Variants in PRDM16 observed in about 807,000 individuals in gnomAD.
PRDM16 encodes PR/SET domain 16.
PRDM16 carries 23 observed loss-of-function variants against 110.6 expected under a neutral mutation model. The observed-to-expected ratio is 0.21, with a 90% confidence interval of 0.15 to 0.29. The LOEUF is 0.29. Among genes scored for constraint, PRDM16 ranks in the 10% least tolerant of loss-of-function variants. The pLI, the probability that PRDM16 is intolerant of heterozygous loss-of-function variation, is 1.00. For synonymous variants in PRDM16, 799 were observed against 781.8 expected, an observed-to-expected ratio of 1.02 and a Z score of -0.37; for missense variants, 1,615 against 1,794.3, an observed-to-expected ratio of 0.90 and a Z score of 1.81.
At chr1:3,343,936 C>A (rs530161868) in intron 3 of PRDM16, among the ~76,000 whole-genome samples, 14 of 152,332 alleles carry the variant, frequency 9.2e-5, no homozygotes, top group African/African-American at 3.1e-4. Context: ...CCACCGCTCC[C>A]AGCCTGGTTT....
At chr1:3,159,167 G>C (rs1225321168) in intron 1 of PRDM16, among the ~76,000 whole-genome samples, 1 of 152,238 alleles carries the variant, frequency 6.6e-6, no homozygotes, top group African/African-American at 2.4e-5. Flanking sequence ...GAAGCAGACA[G>C]GGAGGCTGGA....
intron 1 of PRDM16, among the ~76,000 whole-genome samples, chr1:3,161,088 C>A (rs1643893166): frequency 6.6e-6 from 1 of 152,212 alleles, no homozygotes; most frequent in African/African-American, 2.4e-5. Context: ...GCCCCCACTC[C>A]CTGCCCCAGC....
chr1:3,335,049 G>A (rs1342851654), intron 3 of PRDM16, among the ~76,000 whole-genome samples: 1 of 152,222 alleles, frequency 6.6e-6, no homozygotes, highest in Non-Finnish European at 1.5e-5. Context: ...CAGCCAGAGA[G>A]GACGGGGTGG....
intron 12 of PRDM16, among the ~76,000 whole-genome samples, chr1:3,423,047 G>C (rs543297007): frequency 6.6e-6 from 1 of 152,354 alleles, no homozygotes; most frequent in African/African-American, 2.4e-5. Flanking sequence ...AGAGGCCAGA[G>C]TGAGCCTGGC....
intron 3 of PRDM16, among the ~76,000 whole-genome samples, chr1:3,351,030 G>A (rs912252951): frequency 6.6e-6 from 1 of 152,240 alleles, no homozygotes; most frequent in Non-Finnish European, 1.5e-5. Context: ...GCTGGTTGGC[G>A]GCCCTCTGGG....
At chr1:3,352,590 C>T (rs1433886932) in intron 3 of PRDM16, among the ~76,000 whole-genome samples, 1 of 152,238 alleles carries the variant, frequency 6.6e-6, no homozygotes, top group Non-Finnish European at 1.5e-5. Flanking sequence ...AATAGGCCTG[C>T]GGGCCTGACC....
chr1:3,247,820 G>A (rs1176358269), intron 3 of PRDM16, among the ~76,000 whole-genome samples: 2 of 152,252 alleles, frequency 1.3e-5, no homozygotes, highest in African/African-American at 4.8e-5. Context: ...GCTGTGGGTC[G>A]GGCTGCGTCG....
chr1:3,108,240 T>G (rs1257661869), intron 1 of PRDM16, among the ~76,000 whole-genome samples: 1 of 152,210 alleles, frequency 6.6e-6, no homozygotes, highest in East Asian at 1.9e-4. Flanking sequence ...CTATTCCCAA[T>G]CCAAATTATC....
intron 4 of PRDM16, among the ~76,000 whole-genome samples, chr1:3,389,000 C>T (rs971990488): frequency 4.6e-5 from 7 of 152,202 alleles, no homozygotes; most frequent in African/African-American, 1.2e-4. Flanking sequence ...CCCACAGGCC[C>T]GGTTCTGACT....
rs1282690859 is a variant in PRDM16, at chr1:3,425,420, G to T, written c.2940-161G>T. 8.4e-5 allele frequency: 58 copies of T among 688,792 alleles called. No individual in the cohort carries two copies. In the East Asian group the frequency reaches 1.6e-3, roughly 19 times the overall value. The allele number at this position is 688,792 out of a possible 1,614,324, so 42.7% of individuals were successfully genotyped here. A position where few individuals can be genotyped will look rare whatever the true frequency, so the allele number is the denominator to read the frequency against. ...GGACAGCTTCCCCAGGATGCCTTTG[G>T]CTCTGCAGCTGGGAGATCCAGCAAC... On this transcript the variant is annotated intron_variant, in intron 12 of 16. Transcript: ENST00000270722. This position sits in a 1 kb window ranked among gnomAD's most constrained non-coding sequence, Gnocchi z 6.9.
intron 3 of PRDM16, among the ~76,000 whole-genome samples, chr1:3,331,300 C>A (rs753187579): frequency 6.6e-6 from 1 of 152,058 alleles, no homozygotes; most frequent in African/African-American, 2.4e-5. Context: ...GGCAGCCCCC[C>A]CCCGGCACAC....
chr1:3,081,097 A>G lies in PRDM16; in HGVS notation c.37+11801A>G. On this transcript the variant is annotated intron_variant, in intron 1 of 16. Transcript: ENST00000270722. This position sits in a 1 kb window ranked among gnomAD's most constrained non-coding sequence, Gnocchi z 4.6. ...CTCTGGTTTCATGGCTGGGAATCTG[A>G]ACCGCAGGGCAGAGGCCCCGGAGTC... Among the ~76,000 whole-genome samples, 1 of 152,162 alleles carries G rather than the reference A, an allele frequency of 6.6e-6. No individual in the cohort carries two copies. Among genetic ancestry groups the G allele is most frequent in the Non-Finnish European group, 1.5e-5 (1 of 68,022 alleles).
intron 8 of PRDM16, among the ~76,000 whole-genome samples, chr1:3,408,430 C>A (rs1293753181): frequency 6.6e-6 from 1 of 152,222 alleles, no homozygotes; most frequent in African/African-American, 2.4e-5. Context: ...TGCACAGGCT[C>A]CCACTGGGCA....
chr1:3,089,075 G>A (rs1033288557), intron 1 of PRDM16, among the ~76,000 whole-genome samples: 3 of 152,204 alleles, frequency 2.0e-5, no homozygotes, highest in Non-Finnish European at 4.4e-5. Context: ...GAGCCACCGC[G>A]CCAGTCCGAG....
chr1:3,175,021 C>T lies in PRDM16; in HGVS notation c.38-11104C>T, dbSNP rs376558427. Reference sequence around the variant, plus strand: ...ATGAGTCCCAGTGCCGCAGGGCAGCCGCGGTCCCGGGCTGGTCAGAAGGTG... The same window carrying T: ...ATGAGTCCCAGTGCCGCAGGGCAGCTGCGGTCCCGGGCTGGTCAGAAGGTG... On this transcript the variant is annotated intron_variant, in intron 1 of 16. Transcript: ENST00000270722. This position sits in a 1 kb window ranked among gnomAD's most constrained non-coding sequence, Gnocchi z 4.8. Among the ~76,000 whole-genome samples, 4 of 152,286 alleles carry T rather than the reference C, an allele frequency of 2.6e-5. No individual in the cohort carries two copies. Among genetic ancestry groups the T allele is most frequent in the East Asian group, 1.9e-4 (1 of 5,170 alleles).
intron 1 of PRDM16, among the ~76,000 whole-genome samples, chr1:3,095,261 T>A (rs1642369895): frequency 6.6e-6 from 1 of 152,100 alleles, no homozygotes; most frequent in South Asian, 2.1e-4. Flanking sequence ...TGCAGCTGGG[T>A]TGAGGTGGCC....
chr1:3,386,996 T>TG (rs1387226468), intron 4 of PRDM16: 2 of 116,450 alleles, frequency 1.7e-5, no homozygotes, highest in Non-Finnish European at 3.9e-5. Flanking sequence ...GAAGCCTGTC[T>TG]TTAAAAAAAT....
chr1:3,270,045 T>A (rs35838176), intron 3 of PRDM16, among the ~76,000 whole-genome samples: 43,621 of 135,818 alleles, frequency 0.32, 10,111 homozygotes, highest in African/African-American at 0.65. Flanking sequence ...CTGGAAGAGG[T>A]GAGTCCCGGA....
intron 3 of PRDM16, among the ~76,000 whole-genome samples, chr1:3,282,371 C>G (rs965097115): frequency 6.6e-6 from 1 of 152,192 alleles, no homozygotes; most frequent in Non-Finnish European, 1.5e-5. Flanking sequence ...CCCACAGGTC[C>G]TCGACCCAGA....
Sources: allele counts gnomAD v4.1 joint callset (sites outside exome capture counted in the v4.1 genomes callset), GRCh38; gene constraint gnomAD v4.1.1; non-coding constraint Gnocchi (gnomAD v3.1); transcripts MANE v1.5; gene names NCBI Gene and HGNC (gene_info 2026-07-23, HGNC 2026-07-21).